ARK2N: variants seen among roughly 807,000 people sequenced by gnomAD.
ARK2N encodes arkadia (RNF111) N-terminal like PKA signaling regulator 2N, also known as protein ARK2N.
chr18:46,254,161 T>C, the ARK2N span, among the ~76,000 whole-genome samples: 1 of 152,258 alleles, frequency 6.6e-6, no homozygotes, highest in South Asian at 2.1e-4. Context: ...GTTTATACTT[T>C]CTTGCCTTTC....
the ARK2N span, among the ~76,000 whole-genome samples, chr18:46,194,366 C>T: frequency 6.6e-6 from 1 of 151,860 alleles, no homozygotes; most frequent in African/African-American, 2.4e-5. Context: ...CTTGGGAGGC[C>T]GAGGCGGATG....
At chr18:46,254,377 C>T in the ARK2N span, among the ~76,000 whole-genome samples, 1 of 152,214 alleles carries the variant, frequency 6.6e-6, no homozygotes, top group South Asian at 2.1e-4. Flanking sequence ...AAAGAAACCC[C>T]ACAAGACATC....
chr18:46,216,787 C>T, the ARK2N span: 2 of 553,872 alleles, frequency 3.6e-6, no homozygotes. The surrounding 1 kb of genome is among the most constrained non-coding windows in gnomAD (Gnocchi z 4.3). Context: ...AACTTTAGCA[C>T]ATCAGGAAAA....
the ARK2N span, among the ~76,000 whole-genome samples, chr18:46,201,068 C>G: frequency 8.0e-5 from 12 of 150,896 alleles, no homozygotes; most frequent in South Asian, 1.3e-3. Context: ...CATCCTCAAC[C>G]TCCTGGTTCA....
At chr18:46,190,492 G>A in the ARK2N span, among the ~76,000 whole-genome samples, 2 of 146,496 alleles carry the variant, frequency 1.4e-5, no homozygotes, top group Admixed American at 1.4e-4. Flanking sequence ...CTGTCCCCCG[G>A]CCCCCCGAAA....
chr18:46,259,782 G>A, the ARK2N span, among the ~76,000 whole-genome samples: 3 of 148,272 alleles, frequency 2.0e-5, no homozygotes, highest in African/African-American at 7.8e-5. Context: ...CTGTGTGTGT[G>A]TGTGTGTGTG....
the ARK2N span, among the ~76,000 whole-genome samples, chr18:46,223,476 G>C: frequency 6.6e-6 from 1 of 152,176 alleles, no homozygotes; most frequent in Non-Finnish European, 1.5e-5. Context: ...TAGGTGGCCT[G>C]ACTGATTTAA....
the ARK2N span, among the ~76,000 whole-genome samples, chr18:46,212,596 G>A: frequency 4.6e-5 from 7 of 151,968 alleles, no homozygotes; most frequent in African/African-American, 1.7e-4. Flanking sequence ...GTCAATACTA[G>A]TCTTTTGTGA....
chr18:46,221,230 T>A, the ARK2N span, among the ~76,000 whole-genome samples: 3 of 151,830 alleles, frequency 2.0e-5, no homozygotes, highest in African/African-American at 4.8e-5. Flanking sequence ...TAATTTTTTT[T>A]AAAAGCTTGC....
At chr18:46,180,703 C>G in the ARK2N span, among the ~76,000 whole-genome samples, 1 of 141,888 alleles carries the variant, frequency 7.0e-6, no homozygotes, top group Non-Finnish European at 1.5e-5. Context: ...AACTCTGTCT[C>G]AAAAAAAAAA....
At chr18:46,192,883 CAA>C in the ARK2N span, among the ~76,000 whole-genome samples, 22 of 139,440 alleles carry the variant, frequency 1.6e-4, no homozygotes, top group Admixed American at 2.1e-4. Context: ...GAGACTGTCT[CAA>C]AAAAAAAAAA....
At chr18:46,257,276 T>G in the ARK2N span, among the ~76,000 whole-genome samples, 1 of 152,212 alleles carries the variant, frequency 6.6e-6, no homozygotes, top group Non-Finnish European at 1.5e-5. Flanking sequence ...TGGAAGCATT[T>G]TGTTTGGCCT....
At chr18:46,207,210 G>A in the ARK2N span, among the ~76,000 whole-genome samples, 7 of 152,142 alleles carry the variant, frequency 4.6e-5, no homozygotes, top group Non-Finnish European at 1.0e-4. Flanking sequence ...ACCCTAACCA[G>A]TGCTTCTTGA....
At chr18:46,186,164 G>A in the ARK2N span, among the ~76,000 whole-genome samples, 1 of 151,536 alleles carries the variant, frequency 6.6e-6, no homozygotes, top group African/African-American at 2.4e-5. Flanking sequence ...AGTTTATGGA[G>A]AGTGGTTTTT....
the ARK2N span, among the ~76,000 whole-genome samples, chr18:46,202,642 G>T: frequency 1.3e-5 from 2 of 151,956 alleles, no homozygotes; most frequent in African/African-American, 4.8e-5. Context: ...ACAAAAATTA[G>T]CTGGGCGTAG....
chr18:46,229,198 A>G, the ARK2N span, among the ~76,000 whole-genome samples: 1 of 151,826 alleles, frequency 6.6e-6, no homozygotes, highest in Non-Finnish European at 1.5e-5. Context: ...AAGGTAATAC[A>G]TTGCTGTCTG....
the ARK2N span, among the ~76,000 whole-genome samples, chr18:46,230,445 A>C: frequency 1.3e-5 from 2 of 152,160 alleles, no homozygotes; most frequent in Non-Finnish European, 2.9e-5. Flanking sequence ...TAATTTTCCT[A>C]GAATTTTAAG....
chr18:46,182,353 C>T, the ARK2N span, among the ~76,000 whole-genome samples: 1 of 152,154 alleles, frequency 6.6e-6, no homozygotes, highest in Non-Finnish European at 1.5e-5. Context: ...TATCTTGGGA[C>T]CTCAGTTCCT....
At chr18:46,183,888 A>G in the ARK2N span, among the ~76,000 whole-genome samples, 2 of 151,992 alleles carry the variant, frequency 1.3e-5, no homozygotes, top group Non-Finnish European at 2.9e-5. Context: ...CAGTGGCGCG[A>G]TCTCAGCTCA....
Sources: allele counts gnomAD v4.1 joint callset (sites outside exome capture counted in the v4.1 genomes callset), GRCh38; gene constraint gnomAD v4.1.1; non-coding constraint Gnocchi (gnomAD v3.1); transcripts MANE v1.5; gene names NCBI Gene and HGNC (gene_info 2026-07-23, HGNC 2026-07-21).